The following PCDHGA8 variants were observed in gnomAD, a reference collection of about 807,000 sequenced individuals.
The protein encoded by PCDHGA8 is protocadherin gamma subfamily A, 8.
Under a neutral mutation model 59.2 loss-of-function variants are expected in PCDHGA8, and 45 were observed. That is an observed-to-expected ratio of 0.76 (90% CI 0.60 to 0.98). The LOEUF (loss-of-function observed/expected upper bound fraction) is 0.98, where lower values mean the gene tolerates loss of function less well. PCDHGA8 is among the 50% of genes least tolerant of loss of function. The pLI, the probability that PCDHGA8 is intolerant of heterozygous loss-of-function variation, is 0.00. For missense variants in PCDHGA8, 1,257 were observed against 1,196.2 expected, an observed-to-expected ratio of 1.05 and a Z score of -0.75; for synonymous variants, 531 against 519.0, an observed-to-expected ratio of 1.02 and a Z score of -0.32.
chr5:141,458,350 A>C (rs1259508706), intron 1 of PCDHGA8, among the ~76,000 whole-genome samples: 1 of 152,162 alleles, frequency 6.6e-6, no homozygotes, highest in East Asian at 1.9e-4. Flanking sequence ...GGAGAGTTTA[A>C]TAAGCAAGAA....
intron 1 of PCDHGA8, chr5:141,421,895 G>T: frequency 2.5e-6 from 4 of 1,613,730 alleles, no homozygotes; most frequent in Non-Finnish European, 3.4e-6. Context: ...GATCCCATCC[G>T]AAAGGGCGCA....
rs759327251 is a variant in PCDHGA8 at position 141,392,847 on chromosome 5, G to A, written c.34G>A (p.Glu12Lys). 1.2e-6 allele frequency: 2 copies of A among 1,610,450 alleles called. No individual in the cohort carries two copies. The highest frequency in any genetic ancestry group is 1.7e-6 in the Non-Finnish European group (2 of 1,178,432). Residue 12 changes from glutamate (E) to lysine (K), a missense_variant, in exon 1 of 4, where the codon GAG (glutamate) becomes AAG (lysine). By Grantham distance (56) the Glu-to-Lys change is moderately conservative (BLOSUM62 1). Coordinates refer to ENST00000398604, the MANE Select transcript of PCDHGA8 (RefSeq NM_032088.2). The part of the protein sequence containing the change: ...AAPQSRPRRG[E>K]LILLCALLGT... The stretch of plus-strand genomic sequence containing the variant: ...TCCACAGAGTCGCCCCAGACGCGGC[G>A]AGCTGATCCTGCTGTGCGCGCTGCT...
intron 2 of PCDHGA8, 164 bp downstream of exon 2, chr5:141,495,029 G>A: frequency 2.1e-6 from 2 of 968,864 alleles, no homozygotes; most frequent in Non-Finnish European, 2.5e-6. Flanking sequence ...ACAGACCCCG[G>A]AAGGAAGAGG....
intron 1 of PCDHGA8, chr5:141,421,725 C>T: frequency 6.2e-7 from 1 of 1,613,960 alleles, no homozygotes; most frequent in Non-Finnish European, 8.5e-7. Context: ...TGGGCGTGAA[C>T]TCCCTCCAGA....
rs189824439 is a variant in PCDHGA8 at position 141,393,729 on chromosome 5, A to G, written c.916A>G (p.Ser306Gly). ...ENTGEISIAK[S>G]LDYEECSFYE... is the part of the protein sequence containing the mutation. ...TACTGGGGAAATATCAATAGCAAAA[A>G]GTCTAGATTATGAAGAATGTTCATT... The change falls in exon 1 of 4, where the codon AGT (serine) becomes GGT (glycine). Residue 306 changes from serine (S) to glycine (G), a missense_variant. Physicochemically the swap from Ser to Gly is moderately conservative, Grantham distance 56 (BLOSUM62 0). Transcript: ENST00000398604. 7.2e-4 allele frequency: 1,163 copies of G among 1,613,856 alleles called. 2 individuals carry two copies. Among genetic ancestry groups the G allele is most frequent in the Non-Finnish European group, 7.9e-4 (934 of 1,179,868 alleles).
At chr5:141,441,308 C>T (rs984341964) in intron 1 of PCDHGA8, 2 of 152,164 alleles carry the variant, frequency 1.3e-5, no homozygotes, top group African/African-American at 2.4e-5. Flanking sequence ...TAAGAAAATG[C>T]ACCTTGAGAA....
At chr5:141,462,206 T>A (rs574863016) in intron 1 of PCDHGA8, among the ~76,000 whole-genome samples, 7 of 152,066 alleles carry the variant, frequency 4.6e-5, no homozygotes, top group African/African-American at 1.7e-4. Flanking sequence ...GTGATCCGCC[T>A]GCCTCGGCCT....
rs1329989423 is a variant in PCDHGA8 at position 141,392,785 on chromosome 5, T to G, written c.-29T>G. On this transcript the variant is annotated 5_prime_UTR_variant, in exon 1 of 4. Transcript: ENST00000398604. Reference sequence around the variant, plus strand: ...AAGACCCATTTATGCACAGTGAAGATTCTGAGAGGATTCTGCAGCAAAACA... The same window carrying G: ...AAGACCCATTTATGCACAGTGAAGAGTCTGAGAGGATTCTGCAGCAAAACA... 1.3e-6 allele frequency: 2 copies of G among 1,549,000 alleles called. No individual in the cohort carries two copies. Among genetic ancestry groups the G allele is most frequent in the African/African-American group, 2.7e-5 (2 of 72,834 alleles).
chr5:141,508,994 A>G (rs2099873731), intron 3 of PCDHGA8, among the ~76,000 whole-genome samples: 1 of 152,052 alleles, frequency 6.6e-6, no homozygotes, highest in South Asian at 2.1e-4. Flanking sequence ...CAGCTGGGGT[A>G]GGAGAGGAGG....
At position 141,491,023 on chromosome 5, in the gene PCDHGA8, G is replaced by A. The variant is rs773185039; in HGVS notation, c.2425-3784G>A. 17 of 1,613,990 alleles carry A rather than the reference G, an allele frequency of 1.1e-5. No individual in the cohort carries two copies. Among genetic ancestry groups the A allele is most frequent in the Admixed American group, 5.0e-5 (3 of 60,008 alleles). ...CTCCTTGGTCACCAAGGTGACAGCC[G>A]TGGATGCTGATGCAGGCCACAATGC... On this transcript the variant is annotated intron_variant, in intron 1 of 3. Coordinates refer to ENST00000398604, the MANE Select transcript of PCDHGA8 (RefSeq NM_032088.2). The surrounding 1 kb of genome is among the most constrained non-coding windows in gnomAD (Gnocchi z 6.9).
Position 141,485,856 on chromosome 5 carries a change from T to C in PCDHGA8, c.2425-8951T>C. ...CCGCCGAGATCTGGCACCGCAGAGC[T>C]CCGGGTATCCGTGCTGGACGTAAAC... is the stretch of plus-strand genomic sequence containing the variant. On this transcript the variant is annotated intron_variant, in intron 1 of 3. Coordinates refer to ENST00000398604, the MANE Select transcript of PCDHGA8 (RefSeq NM_032088.2). The surrounding 1 kb of genome is among the most constrained non-coding windows in gnomAD (Gnocchi z 5.7). 1 of 1,614,108 alleles carries C rather than the reference T, an allele frequency of 6.2e-7. No individual in the cohort carries two copies. The highest frequency in any genetic ancestry group is 8.5e-7 in the Non-Finnish European group (1 of 1,180,014).
Position 141,432,916 on chromosome 5 carries a change from G to A in PCDHGA8, c.2424+37679G>A, listed in dbSNP as rs1303459899. ...TGCTGGCGCTCAGGCTGCGGCGCTG[G>A]CACAAGTCACGCCTGCTGCAGGCTT... is the stretch of plus-strand genomic sequence containing the variant. On this transcript the variant is annotated intron_variant, in intron 1 of 3. Transcript: ENST00000398604. This position sits in a 1 kb window ranked among gnomAD's most constrained non-coding sequence, Gnocchi z 6.0. 1.2e-6 allele frequency: 2 copies of A among 1,614,078 alleles called. No individual in the cohort carries two copies. The highest frequency in any genetic ancestry group is 1.7e-6 in the Non-Finnish European group (2 of 1,180,048).
intron 1 of PCDHGA8, chr5:141,404,954 A>C: frequency 6.2e-7 from 1 of 1,613,952 alleles, no homozygotes; most frequent in Non-Finnish European, 8.5e-7. Flanking sequence ...AGCTGACAGC[A>C]TCCCAGACAT....
At chr5:141,448,924 G>A (rs1244728418) in intron 1 of PCDHGA8, among the ~76,000 whole-genome samples, 1 of 152,116 alleles carries the variant, frequency 6.6e-6, no homozygotes, top group East Asian at 1.9e-4. Flanking sequence ...CAGCCTGGGC[G>A]ACAGAGCAAG....
intron 1 of PCDHGA8, chr5:141,420,386 A>G (rs1407565643): frequency 6.2e-6 from 8 of 1,284,798 alleles, no homozygotes; most frequent in Non-Finnish European, 7.2e-6. Context: ...AGTTCGCAAA[A>G]TATAGGTCAA....
chr5:141,477,453 A>G lies in PCDHGA8; in HGVS notation c.2425-17354A>G, dbSNP rs886363658. 1 of 1,614,018 alleles carries G rather than the reference A, an allele frequency of 6.2e-7. No homozygotes were observed. Among genetic ancestry groups the G allele is most frequent in the African/African-American group, 1.3e-5 (1 of 74,910 alleles). The stretch of plus-strand genomic sequence containing the variant: ...TCAGCCCTTACAATAGTGCGTGTTC[A>G]AGTGTCCGACATCAATGACAACCCT... On this transcript the variant is annotated intron_variant, in intron 1 of 3. Coordinates refer to ENST00000398604, the MANE Select transcript of PCDHGA8 (RefSeq NM_032088.2). This position sits in a 1 kb window ranked among gnomAD's most constrained non-coding sequence, Gnocchi z 4.9.
At chr5:141,465,714 C>T (rs1015102102) in intron 1 of PCDHGA8, among the ~76,000 whole-genome samples, 4 of 152,200 alleles carry the variant, frequency 2.6e-5, no homozygotes, top group Non-Finnish European at 5.9e-5. Context: ...AATGCCACCA[C>T]TTCCACCTCT....
In PCDHGA8 at chr5:141,400,400, C is replaced by T. The variant is rs375490385; in HGVS notation, c.2424+5163C>T. On this transcript the variant is annotated intron_variant, in intron 1 of 3. Coordinates refer to ENST00000398604, the MANE Select transcript of PCDHGA8 (RefSeq NM_032088.2). ...CTATGTGTTGCACATACAGGAAAGA[C>T]GGAGTTTAATTTCCTAAAATGTAGT... 65 of 1,614,000 alleles carry T rather than the reference C, an allele frequency of 4.0e-5. No individual in the cohort carries two copies. Among genetic ancestry groups the T allele is most frequent in the South Asian group, 3.8e-4 (35 of 91,078 alleles).
chr5:141,491,726 C>T lies in PCDHGA8; in HGVS notation c.2425-3081C>T. On this transcript the variant is annotated intron_variant, in intron 1 of 3. Transcript: ENST00000398604. This position sits in a 1 kb window ranked among gnomAD's most constrained non-coding sequence, Gnocchi z 6.9. ...GTGAGGGGCTCGGCGCCGCCCCGGG[C>T]GACCCCTGGGGGCGGCACTGGAGAA... The T allele has an allele frequency of 6.2e-7, 1 of 1,605,884 alleles. No individual in the cohort carries two copies. Among genetic ancestry groups the T allele is most frequent in the East Asian group, 2.2e-5 (1 of 44,600 alleles).
Sources: allele counts gnomAD v4.1 joint callset (sites outside exome capture counted in the v4.1 genomes callset), GRCh38; gene constraint gnomAD v4.1.1; non-coding constraint Gnocchi (gnomAD v3.1); transcripts MANE v1.5; gene names NCBI Gene and HGNC (gene_info 2026-07-23, HGNC 2026-07-21).